The following MACROD2 variants were observed in gnomAD, a reference collection of about 807,000 sequenced individuals.
The protein encoded by MACROD2 is ADP-ribose glycohydrolase MACROD2.
A neutral mutation model predicts 70.4 loss-of-function variants in MACROD2; 36 were observed. The ratio of observed to expected loss-of-function variants is 0.51; its 90% confidence interval spans 0.39 to 0.68. The LOEUF is 0.68. MACROD2 is among the 30% of genes least tolerant of loss of function. MACROD2 has a pLI of 0.00. For synonymous variants in MACROD2, 172 were observed against 178.8 expected, an observed-to-expected ratio of 0.96 and a Z score of 0.30; for missense variants, 496 against 538.4, an observed-to-expected ratio of 0.92 and a Z score of 0.78.
At chr20:15,154,929 A>T (rs1448912448) in intron 5 of MACROD2, among the ~76,000 whole-genome samples, 2 of 152,084 alleles carry the variant, frequency 1.3e-5, no homozygotes, top group African/African-American at 4.8e-5. Flanking sequence ...AGGCAAGATG[A>T]TCAGTGGGGA....
chr20:15,831,252 G>A (rs2147116915), intron 8 of MACROD2, among the ~76,000 whole-genome samples: 1 of 152,288 alleles, frequency 6.6e-6, no homozygotes, highest in East Asian at 1.9e-4. Context: ...GCTGTGTTAT[G>A]TACCTTGACC....
At chr20:15,967,495 A>T (rs180928208) in intron 12 of MACROD2, 58 bp from the exon 13 acceptor site, 4 of 1,366,568 alleles carry the variant, frequency 2.9e-6, no homozygotes, top group Admixed American at 1.9e-5. Flanking sequence ...TAGTGCTGAA[A>T]GCTGCTCTGT....
At position 14,557,257 on chromosome 20, in the gene MACROD2, A is replaced by G. The variant is rs143667186; in HGVS notation, c.301+63749A>G. Reference sequence around the variant, plus strand: ...GATCATAGATCTAAGTGGAAGAACTAAAGCTATAAAACTCTCAGAAGAAAG... The same window carrying G: ...GATCATAGATCTAAGTGGAAGAACTGAAGCTATAAAACTCTCAGAAGAAAG... On this transcript the variant is annotated intron_variant, in intron 4 of 17. Coordinates refer to ENST00000684519, the MANE Select transcript of MACROD2 (RefSeq NM_001351661.2). Among the ~76,000 whole-genome samples, 69 of 152,096 alleles carry G rather than the reference A, an allele frequency of 4.5e-4. No individual in the cohort carries two copies. The Middle Eastern group carries it at 0.01, about 22-fold the overall frequency.
chr20:15,716,938 C>T (rs902966759), intron 8 of MACROD2, among the ~76,000 whole-genome samples: 20 of 152,188 alleles, frequency 1.3e-4, no homozygotes, highest in Non-Finnish European at 2.9e-5. Context: ...ATGACCTGCT[C>T]ACACTATTTT....
chr20:14,471,680 TA>T (rs2084532535), intron 3 of MACROD2, among the ~76,000 whole-genome samples: 1 of 152,148 alleles, frequency 6.6e-6, no homozygotes, highest in East Asian at 1.9e-4. Flanking sequence ...ATACAAATGT[TA>T]AAACAAAAAT....
chr20:13,999,710 A>C (rs1051623493), intron 1 of MACROD2, among the ~76,000 whole-genome samples: 6 of 152,260 alleles, frequency 3.9e-5, no homozygotes, highest in Admixed American at 1.3e-4. Flanking sequence ...AAACATAAAG[A>C]GGTTAAGTAA....
intron 5 of MACROD2, among the ~76,000 whole-genome samples, chr20:15,117,052 C>G (rs1194906244): frequency 6.6e-6 from 1 of 152,004 alleles, no homozygotes; most frequent in Non-Finnish European, 1.5e-5. Flanking sequence ...TCACTGTAGT[C>G]CTAAGAATGA....
chr20:15,772,095 A>ATATATAT (rs1262093098), intron 8 of MACROD2, among the ~76,000 whole-genome samples: 3 of 94,300 alleles, frequency 3.2e-5, no homozygotes, highest in South Asian at 9.3e-4. Context: ...AAAAAAAAAA[A>ATATATAT]AAAAAAATAT....
intron 3 of MACROD2, among the ~76,000 whole-genome samples, chr20:14,309,931 G>GT (rs1425872130): frequency 1.3e-5 from 2 of 152,062 alleles, no homozygotes; most frequent in Non-Finnish European, 2.9e-5. Context: ...CTACACAATT[G>GT]TTTTGCGTGT....
At chr20:14,616,098 C>A (rs2123439950) in intron 4 of MACROD2, among the ~76,000 whole-genome samples, 1 of 152,194 alleles carries the variant, frequency 6.6e-6, no homozygotes, top group Non-Finnish European at 1.5e-5. Context: ...GTAGATTACT[C>A]ATGTTGATTT....
At chr20:14,489,558 T>C (rs1415538483) in intron 3 of MACROD2, among the ~76,000 whole-genome samples, 1 of 152,206 alleles carries the variant, frequency 6.6e-6, no homozygotes, top group Non-Finnish European at 1.5e-5. Context: ...GGGAAGTTTT[T>C]GCCAACAGTC....
rs1568746089 is a variant in MACROD2, at chr20:14,700,524, TGTG to T, written c.418+15566_418+15568del. On this transcript the variant is annotated intron_variant, in intron 5 of 17. Coordinates refer to ENST00000684519, the MANE Select transcript of MACROD2 (RefSeq NM_001351661.2). Reference sequence around the variant, plus strand: ...CTTTGACAGTTAAGACATATGGTGGTGTGTGTGTGTGTGTGTGTGTGTGTGTGT... The same window carrying T: ...CTTTGACAGTTAAGACATATGGTGGTTGTGTGTGTGTGTGTGTGTGTGTGT... Among the ~76,000 whole-genome samples, 922 of 125,556 alleles carry T rather than the reference TGTG, an allele frequency of 7.3e-3. 7 individuals carry two copies. The highest frequency in any genetic ancestry group is 0.023 in the South Asian group (96 of 4,104). The allele number at this position is 125,556 out of a possible 152,430, so 82.4% of individuals were successfully genotyped here. A position where few individuals can be genotyped will look rare whatever the true frequency, so the allele number is the denominator to read the frequency against.
chr20:14,043,957 A>G (rs2053429839), intron 2 of MACROD2, among the ~76,000 whole-genome samples: 1 of 152,346 alleles, frequency 6.6e-6, no homozygotes, highest in Non-Finnish European at 1.5e-5. Context: ...ATTCTTCACG[A>G]TAAGGCTTCA....
At chr20:15,060,373 G>T (rs942235443) in intron 5 of MACROD2, among the ~76,000 whole-genome samples, 4 of 152,124 alleles carry the variant, frequency 2.6e-5, no homozygotes, top group Non-Finnish European at 5.9e-5. Context: ...TCCACCCTGC[G>T]TCTTGCTCTT....
At chr20:14,401,938 G>C (rs2083642111) in intron 3 of MACROD2, among the ~76,000 whole-genome samples, 1 of 152,114 alleles carries the variant, frequency 6.6e-6, no homozygotes, top group African/African-American at 2.4e-5. Flanking sequence ...CCATCCACCA[G>C]CTGTTACATT....
In MACROD2 at chr20:14,331,342, G is replaced by C. The variant is rs6042674; in HGVS notation, c.272-162137G>C. On this transcript the variant is annotated intron_variant, in intron 3 of 17. Coordinates refer to ENST00000684519, the MANE Select transcript of MACROD2 (RefSeq NM_001351661.2). ...TCTAAATTGGTGTGAAAAGACGGAA[G>C]ATTAATTTGTTTATTTTACCTGTTT... is the stretch of plus-strand genomic sequence containing the variant. Among the ~76,000 whole-genome samples the C allele has an allele frequency of 9.0e-3, 1,363 of 152,200 alleles. 19 individuals are homozygous for C. Among genetic ancestry groups the C allele is most frequent in the African/African-American group, 0.031 (1,294 of 41,556 alleles).
intron 3 of MACROD2, among the ~76,000 whole-genome samples, chr20:14,164,466 C>CAGGCAGGT (rs2055236549): frequency 6.6e-6 from 1 of 152,032 alleles, no homozygotes; most frequent in African/African-American, 2.4e-5. Context: ...CAGTGTGGGT[C>CAGGCAGGT]AGGCAGGTAG....
intron 8 of MACROD2, among the ~76,000 whole-genome samples, chr20:15,571,733 A>G (rs1262518013): frequency 1.3e-5 from 2 of 152,092 alleles, no homozygotes; most frequent in African/African-American, 2.4e-5. Flanking sequence ...TGTTATTTGA[A>G]CTTGGAAACA....
intron 8 of MACROD2, among the ~76,000 whole-genome samples, chr20:15,541,093 A>G (rs904545810): frequency 7.9e-5 from 12 of 152,218 alleles, no homozygotes; most frequent in Non-Finnish European, 1.5e-4. Context: ...ACTCGTGGAA[A>G]CAGAGAATAC....
Sources: gnomAD v4.1 joint callset for allele counts (sites outside exome capture counted in the v4.1 genomes callset) on GRCh38, gnomAD v4.1.1 for gene constraint, MANE v1.5 for transcripts, NCBI Gene and HGNC (gene_info 2026-07-23, HGNC 2026-07-21) for gene names.